CD80: variants seen among roughly 807,000 people sequenced by gnomAD.
CD80 encodes T-lymphocyte activation antigen CD80.
Under a neutral mutation model 27.1 loss-of-function variants are expected in CD80, and 13 were observed. The ratio of observed to expected loss-of-function variants is 0.48; its 90% confidence interval spans 0.31 to 0.76. CD80 has a LOEUF of 0.76. Among genes scored for constraint, CD80 ranks in the 30% least tolerant of loss-of-function variants. The pLI, the probability that CD80 is intolerant of heterozygous loss-of-function variation, is 0.04. For missense variants in CD80, 277 were observed against 347.9 expected (o/e 0.80, Z 1.62); for synonymous variants, 125 against 125.5 (o/e 1.00, Z 0.03).
chr3:119,549,142 G>A (rs2082216800), intron 2 of CD80, among the ~76,000 whole-genome samples: 1 of 152,084 alleles, frequency 6.6e-6, no homozygotes, highest in South Asian at 2.1e-4. Flanking sequence ...TATACCTTTG[G>A]ACTATTTCTA....
intron 6 of CD80, among the ~76,000 whole-genome samples, chr3:119,527,235 T>C (rs993406685): frequency 6.6e-6 from 1 of 152,108 alleles, no homozygotes; most frequent in Non-Finnish European, 1.5e-5. Context: ...GGCAGTGGGG[T>C]CTCTTCTGAG....
Position 119,527,234 on chromosome 3 carries a change from G to T in CD80, c.*38+499C>A, listed in dbSNP as rs576441744. Among the ~76,000 whole-genome samples the T allele has an allele frequency of 4.2e-3, 642 of 152,302 alleles. 1 individual carries two copies. Among genetic ancestry groups the T allele is most frequent in the South Asian group, 9.3e-3 (45 of 4,828 alleles). On this transcript the variant is annotated intron_variant, in intron 6 of 6. Coordinates refer to ENST00000264246, the MANE Select transcript of CD80 (RefSeq NM_005191.4). ...TGAAGCTTTTTCTGTAGGCAGTGGG[G>T]TCTCTTCTGAGTTTTTGAGTGGGAA...
intron 3 of CD80, among the ~76,000 whole-genome samples, chr3:119,538,358 A>T (rs571077879): frequency 6.6e-6 from 1 of 151,644 alleles, no homozygotes; most frequent in Non-Finnish European, 1.5e-5. Context: ...GCTTTCTTCT[A>T]TGTTATCTAT....
intron 2 of CD80, among the ~76,000 whole-genome samples, chr3:119,545,237 G>A (rs1409212511): frequency 3.9e-5 from 6 of 151,946 alleles, no homozygotes; most frequent in African/African-American, 1.5e-4. Flanking sequence ...CCAGCTACTC[G>A]GGAGGCTGAG....
At chr3:119,539,936 C>T (rs1277019507) in intron 3 of CD80, among the ~76,000 whole-genome samples, 5 of 152,178 alleles carry the variant, frequency 3.3e-5, no homozygotes, top group African/African-American at 9.7e-5. Context: ...TAAATGACAT[C>T]GTTCATAGAA....
In CD80 at chr3:119,530,749, A is replaced by T. The variant is rs72952972; in HGVS notation, c.701-812T>A. 8.6e-3 allele frequency among the ~76,000 whole-genome samples: 1,307 copies of T among 152,362 alleles called. 11 individuals carry two copies. The highest frequency in any genetic ancestry group is 0.03 in the African/African-American group (1,252 of 41,592). On this transcript the variant is annotated intron_variant, in intron 4 of 6. Coordinates refer to ENST00000264246, the MANE Select transcript of CD80 (RefSeq NM_005191.4). The stretch of plus-strand genomic sequence containing the variant: ...TGGAAAAACGGCAGGGACACAAATT[A>T]TAGCAGCTCATTTTCTGGTTTCTCT...
intron 3 of CD80, among the ~76,000 whole-genome samples, chr3:119,538,080 C>A (rs1161373403): frequency 6.6e-6 from 1 of 152,104 alleles, no homozygotes; most frequent in Non-Finnish European, 1.5e-5. Context: ...TGGACCTTAC[C>A]TCATTTTGTC....
In CD80 at chr3:119,524,787, C is replaced by T. The variant is rs1232116739; in HGVS notation, c.*1001G>A. ...ATGAACAGCAGTTGGCTATGTCTTT[C>T]CAGTTCTCTGCTGATGTCAGAAAGA... On this transcript the variant is annotated 3_prime_UTR_variant, in exon 7 of 7. Transcript: ENST00000264246. 1 of 152,192 alleles carries T rather than the reference C, an allele frequency of 6.6e-6. No individual in the cohort carries two copies. The highest frequency in any genetic ancestry group is 2.1e-4 in the South Asian group (1 of 4,826). The allele number at this position is 152,192 out of a possible 1,614,324, so 9.4% of individuals were successfully genotyped here. A position where few individuals can be genotyped will look rare whatever the true frequency, so the allele number is the denominator to read the frequency against.
intron 3 of CD80, among the ~76,000 whole-genome samples, chr3:119,537,695 G>A (rs1489773444): frequency 5.9e-5 from 9 of 152,180 alleles, no homozygotes; most frequent in East Asian, 3.9e-4. Context: ...CCAGCTACTC[G>A]GGAGGCTAAG....
intron 2 of CD80, among the ~76,000 whole-genome samples, chr3:119,555,216 G>A (rs1484819515): frequency 6.6e-6 from 1 of 152,160 alleles, no homozygotes; most frequent in Non-Finnish European, 1.5e-5. Flanking sequence ...CTGCGCCAGG[G>A]CAGTACACTT....
At chr3:119,529,588 G>C (rs750712663) in intron 5 of CD80, among the ~76,000 whole-genome samples, 2 of 152,200 alleles carry the variant, frequency 1.3e-5, no homozygotes, top group Admixed American at 1.3e-4. Context: ...ACTAGAATGT[G>C]TCTTGAGGGC....
Position 119,537,139 on chromosome 3 carries a change from G to A in CD80, c.698C>T (p.Thr233Ile), listed in dbSNP as rs115928735. The A allele has an allele frequency of 1.5e-3, 2,341 of 1,611,090 alleles. 29 individuals carry two copies. The African/African-American group carries it at 0.025, about 17-fold the overall frequency. ...CTCCCCAGAACAATGTCACTTACTT[G>A]TATTCCAGTTGAAGGTCTGATTCAC... ...LRVNQTFNWN[T>I]TKQEHFPDNL... Residue 233 changes from threonine (T) to isoleucine (I), a missense_variant and splice_region_variant, in exon 4 of 7, where the codon ACA (threonine) becomes ATA (isoleucine). Thr to Ile is a moderately conservative substitution (Grantham distance 89). Transcript: ENST00000264246.
chr3:119,554,126 G>A (rs945263106), intron 2 of CD80, among the ~76,000 whole-genome samples: 1 of 152,218 alleles, frequency 6.6e-6, no homozygotes, highest in African/African-American at 2.4e-5. Context: ...TTTCTAAACA[G>A]TATTTATATC....
At chr3:119,531,933 G>T (rs1014951007) in intron 4 of CD80, among the ~76,000 whole-genome samples, 39 of 152,168 alleles carry the variant, frequency 2.6e-4, no homozygotes, top group Non-Finnish European at 4.4e-4. Context: ...CACAGTGCTG[G>T]GATTACAGGC....
chr3:119,554,773 C>A (rs1244152918), intron 2 of CD80, among the ~76,000 whole-genome samples: 1 of 152,228 alleles, frequency 6.6e-6, no homozygotes, highest in Non-Finnish European at 1.5e-5. Context: ...CACCTACACT[C>A]CCGTTGAGCA....
chr3:119,540,506 C>T (rs2082162000), intron 3 of CD80, among the ~76,000 whole-genome samples: 1 of 152,066 alleles, frequency 6.6e-6, no homozygotes, highest in African/African-American at 2.4e-5. Context: ...TGTTCCTGAG[C>T]CACTTTTAGT....
intron 2 of CD80, among the ~76,000 whole-genome samples, chr3:119,546,850 A>G (rs184322614): frequency 6.6e-6 from 1 of 152,226 alleles, no homozygotes; most frequent in East Asian, 1.9e-4. Flanking sequence ...AGATATGCAC[A>G]TGTACACGCA....
chr3:119,554,781 G>A (rs1560059367), intron 2 of CD80, among the ~76,000 whole-genome samples: 1 of 152,132 alleles, frequency 6.6e-6, no homozygotes, highest in Non-Finnish European at 1.5e-5. Context: ...CTCCCGTTGA[G>A]CAGTCCTCAC....
At chr3:119,551,378 A>C (rs2082230845) in intron 2 of CD80, among the ~76,000 whole-genome samples, 1 of 152,210 alleles carries the variant, frequency 6.6e-6, no homozygotes, top group African/African-American at 2.4e-5. Flanking sequence ...GACTGTTAAA[A>C]GGTGATTAGG....
Sources: gnomAD v4.1 joint callset for allele counts (sites outside exome capture counted in the v4.1 genomes callset) on GRCh38, gnomAD v4.1.1 for gene constraint, MANE v1.5 for transcripts, NCBI Gene and HGNC (gene_info 2026-07-23, HGNC 2026-07-21) for gene names.